LRP1B: variants seen among roughly 807,000 people sequenced by gnomAD.
LRP1B encodes the protein low-density lipoprotein receptor-related protein 1B.
In LRP1B, 217 loss-of-function variants were observed where a neutral mutation model predicts 556.6. The observed-to-expected ratio is 0.39, with a 90% confidence interval of 0.35 to 0.44. The LOEUF (loss-of-function observed/expected upper bound fraction) is 0.44, where lower values mean the gene tolerates loss of function less well. LRP1B is among the 20% of genes least tolerant of loss of function. The pLI, the probability that LRP1B is intolerant of heterozygous loss-of-function variation, is 1.00. For missense variants in LRP1B, 5,053 were observed against 5,620.8 expected (o/e 0.90, Z 3.23); for synonymous variants, 2,047 against 1,865.8 (o/e 1.10, Z -2.50).
At chr2:140,289,491 T>A in intron 84 of LRP1B, among the ~76,000 whole-genome samples, 1 of 152,182 alleles carries the variant, frequency 6.6e-6, no homozygotes, top group Middle Eastern at 3.4e-3. Context: ...ATTTGTAGTT[T>A]CAAATCACAT....
intron 11 of LRP1B, among the ~76,000 whole-genome samples, chr2:141,039,580 A>G (rs1168723365): frequency 6.6e-6 from 1 of 152,028 alleles, no homozygotes; most frequent in South Asian, 2.1e-4. Flanking sequence ...AACATCTATA[A>G]TAGACTTCTT....
intron 19 of LRP1B, among the ~76,000 whole-genome samples, chr2:140,950,964 T>A (rs1695697605): frequency 6.6e-6 from 1 of 152,216 alleles, no homozygotes; most frequent in East Asian, 1.9e-4. Context: ...AAAAAAATCC[T>A]TGACTTTGGA....
chr2:141,224,725 C>T (rs376836457), intron 6 of LRP1B, among the ~76,000 whole-genome samples: 1 of 151,944 alleles, frequency 6.6e-6, no homozygotes. Context: ...GAACAGAAAA[C>T]CAAGAGAACC....
chr2:141,414,030 G>C (rs1266827614), intron 3 of LRP1B, among the ~76,000 whole-genome samples: 1 of 152,112 alleles, frequency 6.6e-6, no homozygotes, highest in Non-Finnish European at 1.5e-5. Context: ...GAGGTCAGGA[G>C]ATGGAGACCA....
intron 41 of LRP1B, among the ~76,000 whole-genome samples, chr2:140,655,786 C>CA (rs922401124): frequency 2.6e-5 from 4 of 151,902 alleles, no homozygotes; most frequent in Admixed American, 6.6e-5. Flanking sequence ...ACTAAAAATA[C>CA]AAAAAAATTA....
At chr2:141,895,684 T>C in intron 1 of LRP1B, among the ~76,000 whole-genome samples, 1 of 152,330 alleles carries the variant, frequency 6.6e-6, no homozygotes, top group East Asian at 1.9e-4. Context: ...GATTTATTTC[T>C]CTTTACAAAC....
chr2:141,280,348 G>A (rs1322216031), intron 3 of LRP1B, among the ~76,000 whole-genome samples: 1 of 151,958 alleles, frequency 6.6e-6, no homozygotes, highest in African/African-American at 2.4e-5. Context: ...ACACTTCATA[G>A]TTTTAAATGT....
intron 1 of LRP1B, among the ~76,000 whole-genome samples, chr2:141,970,860 C>A (rs1057151949): frequency 6.6e-6 from 1 of 151,490 alleles, no homozygotes; most frequent in Non-Finnish European, 1.5e-5. Context: ...ATGGCAACTG[C>A]AAATTATTCT....
At chr2:141,938,606 TAAAATCA>T (rs1297688998) in intron 1 of LRP1B, among the ~76,000 whole-genome samples, 1 of 151,896 alleles carries the variant, frequency 6.6e-6, no homozygotes, top group Non-Finnish European at 1.5e-5. Context: ...GCAAAGGAAA[TAAAATCA>T]GTACCTTGCA....
intron 7 of LRP1B, among the ~76,000 whole-genome samples, chr2:141,111,531 C>A (rs543284294): frequency 4.7e-4 from 71 of 152,238 alleles, no homozygotes; most frequent in African/African-American, 1.7e-3. Flanking sequence ...ACTTAAGGGA[C>A]CTTGTACTAC....
At chr2:140,654,779 A>G (rs1317924431) in intron 41 of LRP1B, among the ~76,000 whole-genome samples, 1 of 152,184 alleles carries the variant, frequency 6.6e-6, no homozygotes, top group East Asian at 1.9e-4. Context: ...AAATGGATTT[A>G]TTTGACATCT....
At chr2:140,592,084 A>T (rs1203589492) in intron 43 of LRP1B, among the ~76,000 whole-genome samples, 2 of 152,178 alleles carry the variant, frequency 1.3e-5, no homozygotes, top group African/African-American at 4.8e-5. Flanking sequence ...GTACTGGGAC[A>T]TGTATCATTC....
In LRP1B at chr2:141,131,510, T is replaced by C. The variant is rs1413299676; in HGVS notation, c.1013+56911A>G. Reference sequence around the variant, plus strand: ...CAATTTGAATTGAAAATGGGTTTAATAAATGATACTCTCTTTTTTCCAATG... The same window carrying C: ...CAATTTGAATTGAAAATGGGTTTAACAAATGATACTCTCTTTTTTCCAATG... On this transcript the variant is annotated intron_variant, in intron 7 of 90. Transcript: ENST00000389484. Among the ~76,000 whole-genome samples, 5 of 150,432 alleles carry C rather than the reference T, an allele frequency of 3.3e-5. No homozygotes were observed. The East Asian group carries it at 9.7e-4, about 29-fold the overall frequency.
chr2:140,238,320 G>A (rs1573666518), intron 88 of LRP1B, 24 bp from the exon 89 acceptor site: 2 of 1,299,794 alleles, frequency 1.5e-6, no homozygotes, highest in Non-Finnish European at 2.2e-6. Flanking sequence ...ACATTAATAT[G>A]TGTGAGTTTT....
intron 18 of LRP1B, among the ~76,000 whole-genome samples, chr2:140,975,353 A>C (rs1696561001): frequency 6.6e-6 from 1 of 152,216 alleles, no homozygotes; most frequent in African/African-American, 2.4e-5. Flanking sequence ...GAAGCCTCTC[A>C]ATAGAGTTGC....
chr2:141,890,446 T>C (rs1699258057), intron 1 of LRP1B, among the ~76,000 whole-genome samples: 1 of 146,178 alleles, frequency 6.8e-6, no homozygotes, highest in African/African-American at 2.6e-5. Flanking sequence ...GGATCTCACA[T>C]ACTAACAAAA....
At chr2:141,759,784 G>A (rs1306868276) in intron 2 of LRP1B, among the ~76,000 whole-genome samples, 1 of 152,146 alleles carries the variant, frequency 6.6e-6, no homozygotes, top group Non-Finnish European at 1.5e-5. Context: ...AGATCTTTGA[G>A]GGGGAGACAT....
At chr2:141,434,920 A>G (rs1680701714) in intron 3 of LRP1B, among the ~76,000 whole-genome samples, 1 of 152,070 alleles carries the variant, frequency 6.6e-6, no homozygotes, top group Non-Finnish European at 1.5e-5. Context: ...GCCAGCACAA[A>G]CCACTTATTT....
intron 18 of LRP1B, among the ~76,000 whole-genome samples, chr2:140,978,875 T>C (rs1236968411): frequency 6.6e-6 from 1 of 152,218 alleles, no homozygotes; most frequent in African/African-American, 2.4e-5. Flanking sequence ...CTCTGTAAAA[T>C]CTGGCTATAT....
Sources: gnomAD v4.1 joint callset for allele counts (sites outside exome capture counted in the v4.1 genomes callset) on GRCh38, gnomAD v4.1.1 for gene constraint, MANE v1.5 for transcripts, NCBI Gene and HGNC (gene_info 2026-07-23, HGNC 2026-07-21) for gene names.